FOXO1: variants seen among roughly 807,000 people sequenced by gnomAD.
FOXO1 encodes forkhead box O1, also known as forkhead box protein O1.
A neutral mutation model predicts 44.1 loss-of-function variants in FOXO1; 6 were observed. The observed-to-expected ratio is 0.14, with a 90% CI of 0.07 to 0.27. FOXO1 has a LOEUF of 0.27. Among genes scored for constraint, FOXO1 ranks in the 10% least tolerant of loss-of-function variants. The probability of loss-of-function intolerance (pLI) is 1.00; values close to 1 mark genes in which losing one functional copy is unlikely to be tolerated. For missense variants in FOXO1, 737 were observed against 888.8 expected (o/e 0.83, Z 2.17); for synonymous variants, 380 against 362.7 (o/e 1.05, Z -0.54).
intron 1 of FOXO1, among the ~76,000 whole-genome samples, chr13:40,660,403 T>G (rs1450443855): frequency 2.6e-5 from 4 of 152,206 alleles, no homozygotes; most frequent in African/African-American, 9.7e-5. Context: ...CTGGGTAGTT[T>G]CCAAGGGCAG....
chr13:40,642,031 T>C (rs1375124454), intron 1 of FOXO1, among the ~76,000 whole-genome samples: 2 of 152,148 alleles, frequency 1.3e-5, no homozygotes, highest in Admixed American at 1.3e-4. Context: ...CTTGAGTCCA[T>C]TTACTGTGTA....
At chr13:40,572,027 T>C (rs1874537338) in intron 1 of FOXO1, among the ~76,000 whole-genome samples, 1 of 152,254 alleles carries the variant, frequency 6.6e-6, no homozygotes, top group African/African-American at 2.4e-5. Flanking sequence ...TAAAGTATTT[T>C]GTCAGCATTA....
At chr13:40,602,143 T>C (rs1295715226) in intron 1 of FOXO1, among the ~76,000 whole-genome samples, 1 of 152,194 alleles carries the variant, frequency 6.6e-6, no homozygotes, top group Non-Finnish European at 1.5e-5. Flanking sequence ...ACAAATTAAG[T>C]AGCCAATCTA....
rs369356387 is a variant in FOXO1 at position 40,653,072 on chromosome 13, C to A, written c.630+12511G>T. 3.7e-4 allele frequency among the ~76,000 whole-genome samples: 56 copies of A among 152,182 alleles called. No individual in the cohort carries two copies. The East Asian group carries it at 7.9e-3, about 22-fold the overall frequency. On this transcript the variant is annotated intron_variant, in intron 1 of 2. Coordinates refer to ENST00000379561, the MANE Select transcript of FOXO1 (RefSeq NM_002015.4). ...GTAACCTCCACCTCCTGGGTTCAAG[C>A]CATTCTCCTGCCTCAGCCTCCCGAG...
intron 1 of FOXO1, among the ~76,000 whole-genome samples, chr13:40,597,323 CA>C (rs1265398249): frequency 6.6e-6 from 1 of 152,180 alleles, no homozygotes; most frequent in Non-Finnish European, 1.5e-5. Context: ...CCTGGTCACC[CA>C]GCCTTGGAGC....
chr13:40,564,512 G>A (rs1874184013), intron 1 of FOXO1, among the ~76,000 whole-genome samples: 1 of 152,158 alleles, frequency 6.6e-6, no homozygotes, highest in South Asian at 2.1e-4. Context: ...TCTAGGGGGT[G>A]GGGTTTGAAA....
rs573474266 is a variant in FOXO1 at position 40,645,114 on chromosome 13, G to A, written c.630+20469C>T. Among the ~76,000 whole-genome samples the A allele has an allele frequency of 1.1e-4, 16 of 152,276 alleles. No individual in the cohort carries two copies. In the East Asian group the frequency reaches 1.2e-3, roughly 11 times the overall value. The stretch of plus-strand genomic sequence containing the variant: ...ACCTCACACCTTGGTATTTCTGCAT[G>A]AGTTTGTAGTTCTCTCCTCCCAAAA... On this transcript the variant is annotated intron_variant, in intron 1 of 2. Coordinates refer to ENST00000379561, the MANE Select transcript of FOXO1 (RefSeq NM_002015.4).
intron 1 of FOXO1, among the ~76,000 whole-genome samples, chr13:40,602,090 T>C (rs1875833663): frequency 6.6e-6 from 1 of 152,182 alleles, no homozygotes. Flanking sequence ...TTTTCTCAAT[T>C]TATTAATATT....
At chr13:40,588,989 C>T (rs1467798906) in intron 1 of FOXO1, among the ~76,000 whole-genome samples, 2 of 152,054 alleles carry the variant, frequency 1.3e-5, no homozygotes, top group African/African-American at 2.4e-5. Flanking sequence ...CCTGTAATCC[C>T]GGCTACTTTG....
chr13:40,610,062 G>GT (rs1400920091), intron 1 of FOXO1, among the ~76,000 whole-genome samples: 2 of 151,980 alleles, frequency 1.3e-5, no homozygotes, highest in Non-Finnish European at 2.9e-5. Context: ...TGTATTCGAC[G>GT]TAACTGCTTT....
intron 1 of FOXO1, among the ~76,000 whole-genome samples, chr13:40,655,264 C>T (rs1409656735): frequency 6.6e-6 from 1 of 150,618 alleles, no homozygotes; most frequent in Non-Finnish European, 1.5e-5. Context: ...GCAGGAGAAT[C>T]GCTTGAACCT....
chr13:40,619,683 A>G, intron 1 of FOXO1: 2 of 1,375,210 alleles, frequency 1.5e-6, no homozygotes, highest in South Asian at 1.2e-5. Context: ...CCAACATTCT[A>G]AGGACTAGGC....
At chr13:40,601,743 T>C (rs1387841515) in intron 1 of FOXO1, among the ~76,000 whole-genome samples, 1 of 152,232 alleles carries the variant, frequency 6.6e-6, no homozygotes, top group African/African-American at 2.4e-5. Context: ...TTTGTTATTC[T>C]TTTGAAAAAT....
intron 1 of FOXO1, among the ~76,000 whole-genome samples, chr13:40,637,452 A>AG (rs1877199923): frequency 6.6e-6 from 1 of 151,024 alleles, no homozygotes. Flanking sequence ...ACAAAAAAAA[A>AG]AAAAAAAAAA....
chr13:40,618,895 T>C (rs933907208), intron 1 of FOXO1: 3 of 526,106 alleles, frequency 5.7e-6, no homozygotes, highest in Non-Finnish European at 1.2e-5. Context: ...GAGAGGACCA[T>C]AATCTTTTAG....
At chr13:40,657,836 A>G (rs555188873) in intron 1 of FOXO1, among the ~76,000 whole-genome samples, 17 of 152,164 alleles carry the variant, frequency 1.1e-4, no homozygotes, top group African/African-American at 3.9e-4. Flanking sequence ...AAATAAATGG[A>G]AAAAAAAGGA....
At position 40,558,980 on chromosome 13, in the gene FOXO1, G is replaced by A. The variant is rs189789024; in HGVS notation, c.*69C>T. On this transcript the variant is annotated 3_prime_UTR_variant, in exon 3 of 3. Coordinates refer to ENST00000379561, the MANE Select transcript of FOXO1 (RefSeq NM_002015.4). ...AGGGAGTTGGTGAAAGACATCTTTG[G>A]ACTGCTTCTCTCAGTTCCTGCTGTC... is the stretch of plus-strand genomic sequence containing the variant. The A allele has an allele frequency of 1.9e-3, 757 of 397,838 alleles. No homozygotes were observed. The highest frequency in any genetic ancestry group is 2.9e-3 in the Non-Finnish European group (666 of 225,892). The allele number at this position is 397,838 out of a possible 1,614,324, so 24.6% of individuals were successfully genotyped here. A position where few individuals can be genotyped will look rare whatever the true frequency, so the allele number is the denominator to read the frequency against.
chr13:40,610,473 C>A (rs531781756), intron 1 of FOXO1, among the ~76,000 whole-genome samples: 58 of 152,262 alleles, frequency 3.8e-4, no homozygotes, highest in African/African-American at 1.3e-3. Context: ...TCTGCCCTAA[C>A]CTGTTCCTTA....
At chr13:40,563,232 G>A (rs116312463) in intron 1 of FOXO1, among the ~76,000 whole-genome samples, 1 of 152,206 alleles carries the variant, frequency 6.6e-6, no homozygotes, top group Non-Finnish European at 1.5e-5. Context: ...CACTGCGCCT[G>A]AGCAGAGCCT....
Sources: gnomAD v4.1 joint callset for allele counts (sites outside exome capture counted in the v4.1 genomes callset) on GRCh38, gnomAD v4.1.1 for gene constraint, MANE v1.5 for transcripts, NCBI Gene and HGNC (gene_info 2026-07-23, HGNC 2026-07-21) for gene names.